C2: variants seen among roughly 807,000 people sequenced by gnomAD.
The protein encoded by C2 is C3/C5 convertase.
C2 carries 64 observed loss-of-function variants against 85.2 expected under a neutral mutation model. The observed-to-expected ratio is 0.75, with a 90% CI of 0.61 to 0.92. The LOEUF (loss-of-function observed/expected upper bound fraction) is 0.92. Ranked by LOEUF, C2 falls within the 40% of genes least tolerant of loss-of-function variation. The probability of loss-of-function intolerance (pLI) is 0.00; values close to 1 mark genes in which losing one functional copy is unlikely to be tolerated. For synonymous variants in C2, 311 were observed against 370.8 expected, an observed-to-expected ratio of 0.84 and a Z score of 1.85; for missense variants, 820 against 971.6, an observed-to-expected ratio of 0.84 and a Z score of 2.07.
chr6:31,945,361 T>C lies in C2; in HGVS notation c.*4T>C. On this transcript the variant is annotated 3_prime_UTR_variant, in exon 18 of 18. Coordinates refer to ENST00000299367, the MANE Select transcript of C2 (RefSeq NM_000063.6). This position sits in a 1 kb window ranked among gnomAD's most constrained non-coding sequence, Gnocchi z 5.3. ...CCTGAATTTTTTACCCCTCTAGCCA[T>C]GGCCACTGAGCCCTCTGCTGCCCTG... 1 of 1,612,746 alleles carries C rather than the reference T, an allele frequency of 6.2e-7. No individual in the cohort carries two copies. The highest frequency in any genetic ancestry group is 1.3e-5 in the African/African-American group (1 of 75,046).
At chr6:31,934,783 G>A (rs1307946228) in intron 6 of C2, 6 of 687,390 alleles carry the variant, frequency 8.7e-6, no homozygotes, top group Non-Finnish European at 1.8e-6. Flanking sequence ...GCCGAGGCAG[G>A]TGGATCACTT....
rs945580226 is a variant in C2, at chr6:31,933,784, G to A, written c.616+1G>A. ...AGTGGAACGGAGCCCATCTGCCGCC[G>A]TGAGTAGCTGCCCTGCCCTCCTGAG... On this transcript the variant is annotated splice_donor_variant, in intron 4 of 17. Coordinates refer to ENST00000299367, the MANE Select transcript of C2 (RefSeq NM_000063.6). LOFTEE classifies it high-confidence loss of function. 8 of 1,613,668 alleles carry A rather than the reference G, an allele frequency of 5.0e-6. No individual in the cohort carries two copies. In the South Asian group the frequency reaches 5.5e-5, roughly 11 times the overall value.
At chr6:31,927,361 A>G (rs902595658), upstream of C2, 16 of 413,674 alleles carry the variant, frequency 3.9e-5, no homozygotes, top group Non-Finnish European at 5.9e-5. The surrounding 1 kb of genome is among the most constrained non-coding windows in gnomAD (Gnocchi z 4.7). Flanking sequence ...GCTTTAGACT[A>G]TTGACTATTC....
chr6:31,936,830 T>C (rs1470972262), intron 7 of C2: 4 of 177,968 alleles, frequency 2.2e-5, no homozygotes, highest in African/African-American at 7.2e-5. Context: ...ATTTCTAAGG[T>C]GGAAAGGCTT....
chr6:31,913,376 G>A (rs896717070), intron 1 of C2, among the ~76,000 whole-genome samples: 3 of 152,168 alleles, frequency 2.0e-5, no homozygotes, highest in South Asian at 2.1e-4. Context: ...AGGAGTTCGC[G>A]ACCAGCCTGG....
At chr6:31,938,066 A>G (rs960090712) in intron 8 of C2, among the ~76,000 whole-genome samples, 4 of 152,114 alleles carry the variant, frequency 2.6e-5, no homozygotes, top group African/African-American at 9.7e-5. Context: ...CGTAACCACA[A>G]TGACAGCAAT....
At chr6:31,901,430 TC>T (rs1198113380) in intron 1 of C2, 13 of 1,074,280 alleles carry the variant, frequency 1.2e-5, no homozygotes, top group Admixed American at 5.8e-5. Context: ...GCATCCGATC[TC>T]CCGGTCTTCA....
chr6:31,932,176 T>A (rs1207058747), intron 3 of C2, among the ~76,000 whole-genome samples: 3 of 129,470 alleles, frequency 2.3e-5, no homozygotes, highest in African/African-American at 9.0e-5. Context: ...GGCTCCTCAC[T>A]TCCCAGTAGG....
chr6:31,927,876 A>G lies in C2; in HGVS notation c.46+78A>G, dbSNP rs1465479987. Reference sequence around the variant, plus strand: ...CCCAGCTTGAATTCCCATGTGTGAAACAGTCTCTTTTGCTTTCCTTTTCTC... The same window carrying G: ...CCCAGCTTGAATTCCCATGTGTGAAGCAGTCTCTTTTGCTTTCCTTTTCTC... On this transcript the variant is annotated intron_variant, in intron 1 of 17. Coordinates refer to ENST00000299367, the MANE Select transcript of C2 (RefSeq NM_000063.6). This position sits in a 1 kb window ranked among gnomAD's most constrained non-coding sequence, Gnocchi z 4.7. 7 of 1,587,878 alleles carry G rather than the reference A, an allele frequency of 4.4e-6. No homozygotes were observed. Among genetic ancestry groups the G allele is most frequent in the Middle Eastern group, 1.7e-4 (1 of 6,034 alleles).
chr6:31,898,142 A>G (rs1407096165), upstream of C2, among the ~76,000 whole-genome samples: 3 of 152,072 alleles, frequency 2.0e-5, no homozygotes, highest in South Asian at 2.1e-4. Flanking sequence ...CGCGGAGGAC[A>G]CCTTTATTCT....
Position 31,943,804 on chromosome 6 carries a change from T to A in C2, c.1728T>A (p.His576Gln). 1.9e-6 allele frequency: 3 copies of A among 1,613,046 alleles called. No individual in the cohort carries two copies. The highest frequency in any genetic ancestry group is 2.5e-6 in the Non-Finnish European group (3 of 1,180,020). ...KLAQKVKMST[H>Q]ARPICLPCTM... ...CCCAGAAAGTAAAGATGTCCACCCA[T>A]GCCAGGTGCCTGGAGTCTGGGATGG... The change falls in exon 13 of 18, where the codon CAT becomes CAA. Residue 576 changes from histidine to glutamine, a missense_variant. Physicochemically the swap from His to Gln is conservative, Grantham distance 24. Transcript: ENST00000299367. The surrounding 1 kb of genome is among the most constrained non-coding windows in gnomAD (Gnocchi z 6.4).
upstream of C2, among the ~76,000 whole-genome samples, chr6:31,923,692 T>C (rs1374010818): frequency 6.6e-6 from 1 of 150,410 alleles, no homozygotes; most frequent in African/African-American, 2.5e-5. Context: ...GGTTTCACCA[T>C]GTTAGCCAGG....
chr6:31,945,061 G>T lies in C2; in HGVS notation c.2079+32G>T. ...AGGTAGAAGCTTGCAGGACCCAGGG[G>T]TTACAGGATCTCAGCCTTGTTGGGG... On this transcript the variant is annotated intron_variant, in intron 17 of 17. Coordinates refer to ENST00000299367, the MANE Select transcript of C2 (RefSeq NM_000063.6). The surrounding 1 kb of genome is among the most constrained non-coding windows in gnomAD (Gnocchi z 5.3). 6.2e-7 allele frequency: 1 copy of T among 1,612,778 alleles called. No individual in the cohort carries two copies.
Position 31,944,955 on chromosome 6 carries a change from G to C in C2, c.2030-25G>C. 2 of 1,613,042 alleles carry C rather than the reference G, an allele frequency of 1.2e-6. No homozygotes were observed. Among genetic ancestry groups the C allele is most frequent in the Non-Finnish European group, 1.7e-6 (2 of 1,179,974 alleles). On this transcript the variant is annotated intron_variant, in intron 16 of 17. Transcript: ENST00000299367. The surrounding 1 kb of genome is among the most constrained non-coding windows in gnomAD (Gnocchi z 5.1). ...CCAGTCCACTGCCCTAGATGACACTGTCTCCTGTCACCCTTTGCTGGCAGG... is the reference window on the plus strand; with the variant it reads ...CCAGTCCACTGCCCTAGATGACACTCTCTCCTGTCACCCTTTGCTGGCAGG...
At position 31,945,225 on chromosome 6, in the gene C2, T is replaced by C; in HGVS notation, c.2127T>C (p.Ala709=). 3.1e-6 allele frequency: 5 copies of C among 1,612,944 alleles called. No homozygotes were observed. In the African/African-American group the frequency reaches 4.0e-5, roughly 13 times the overall value. The stretch of plus-strand genomic sequence containing the variant: ...TTTACAACCCCTGCCTTGGCTCTGC[T>C]GACAAAAACTCCCGCAAAAGGGCCC... ...WGLYNPCLGS[A]DKNSRKRAPR... The change falls in exon 18 of 18, where the codon GCT becomes GCC. Residue 709 remains alanine (A), a synonymous_variant. Coordinates refer to ENST00000299367, the MANE Select transcript of C2 (RefSeq NM_000063.6). The surrounding 1 kb of genome is among the most constrained non-coding windows in gnomAD (Gnocchi z 5.3).
rs772071830 is a variant in C2 at position 31,934,318 on chromosome 6, G to A, written c.849+19G>A. 6.2e-7 allele frequency: 1 copy of A among 1,613,614 alleles called. No individual in the cohort carries two copies. Among genetic ancestry groups the A allele is most frequent in the African/African-American group, 1.3e-5 (1 of 74,934 alleles). Reference sequence around the variant, plus strand: ...GGACAGGGTCAGGAATCAGGAGTCTGCCTGCAGCAGAGGCCTTCCTGTGCT... The same window carrying A: ...GGACAGGGTCAGGAATCAGGAGTCTACCTGCAGCAGAGGCCTTCCTGTGCT... On this transcript the variant is annotated intron_variant, in intron 6 of 17. Transcript: ENST00000299367.
chr6:31,917,172 GA>G (rs1273347156), upstream of C2, among the ~76,000 whole-genome samples: 240 of 83,248 alleles, frequency 2.9e-3, 3 homozygotes, highest in East Asian at 0.021. Context: ...CTCTGTCTCA[GA>G]AAAAAAAAAA....
In C2 at chr6:31,944,250, CTGGG is replaced by C; in HGVS notation, c.1902+25_1902+28del. The C allele has an allele frequency of 4.7e-6, 7 of 1,486,160 alleles. No homozygotes were observed. The highest frequency in any genetic ancestry group is 1.7e-5 in the Admixed American group (1 of 59,836). 92.1% of individuals were successfully genotyped at this position (1,486,160 alleles called of 1,614,324 possible). ...AGGTGAGGGTCTCAGGTTGGGGATGCTGGGATCCCCCTGTGACAGCTCCCAGAAT... is the reference window on the plus strand; with the variant it reads ...AGGTGAGGGTCTCAGGTTGGGGATGCATCCCCCTGTGACAGCTCCCAGAAT... On this transcript the variant is annotated intron_variant, in intron 15 of 17. Transcript: ENST00000299367. The surrounding 1 kb of genome is among the most constrained non-coding windows in gnomAD (Gnocchi z 5.1).
chr6:31,945,454 T>A lies in C2; in HGVS notation c.*97T>A. ...CCCTTAGACCCTGTGATCCATCCTC[T>A]CTCCTAGCTGAGTAAATCCGGGTCT... On this transcript the variant is annotated 3_prime_UTR_variant, in exon 18 of 18. Coordinates refer to ENST00000299367, the MANE Select transcript of C2 (RefSeq NM_000063.6). The surrounding 1 kb of genome is among the most constrained non-coding windows in gnomAD (Gnocchi z 5.3). 8.4e-7 allele frequency: 1 copy of A among 1,183,498 alleles called. No individual in the cohort carries two copies. Among genetic ancestry groups the A allele is most frequent in the Non-Finnish European group, 1.2e-6 (1 of 801,712 alleles). The allele number at this position is 1,183,498 out of a possible 1,614,324, so 73.3% of individuals were successfully genotyped here.
Sources: allele counts gnomAD v4.1 joint callset (sites outside exome capture counted in the v4.1 genomes callset), GRCh38; gene constraint gnomAD v4.1.1; non-coding constraint Gnocchi (gnomAD v3.1); transcripts MANE v1.5; gene names NCBI Gene and HGNC (gene_info 2026-07-23, HGNC 2026-07-21).